Variants in ZNF649 observed in about 807,000 individuals in gnomAD.
ZNF649 encodes the protein zinc finger protein 649.
ZNF649 carries 7 observed loss-of-function variants against 14.1 expected under a neutral mutation model. The observed-to-expected ratio is 0.49, with a 90% confidence interval of 0.28 to 0.93. The LOEUF (loss-of-function observed/expected upper bound fraction) is 0.93, where lower values mean the gene tolerates loss of function less well. Ranked by LOEUF, ZNF649 falls within the 40% of genes least tolerant of loss-of-function variation. The pLI is 0.10. For missense variants in ZNF649, 544 were observed against 608.1 expected, an observed-to-expected ratio of 0.89 and a Z score of 1.11; for synonymous variants, 227 against 212.3, an observed-to-expected ratio of 1.07 and a Z score of -0.60.
intron 2 of ZNF649, among the ~76,000 whole-genome samples, chr19:51,899,527 G>T (rs973152956): frequency 6.6e-6 from 1 of 152,186 alleles, no homozygotes; most frequent in Admixed American, 6.5e-5. Flanking sequence ...TATATAGGCC[G>T]CAGTGCTGTG....
intron 2 of ZNF649, among the ~76,000 whole-genome samples, chr19:51,899,434 T>C (rs906920593): frequency 6.6e-6 from 1 of 152,212 alleles, no homozygotes; most frequent in African/African-American, 2.4e-5. Context: ...GACCTGTTCA[T>C]GGAGCTCCTT....
rs1163066660 is a variant in ZNF649, at chr19:51,891,124, G to A, written c.1012C>T (p.Arg338Ter). ...IQKGNLNIHQ[R>*]THTGEKPYGC... Reference sequence around the variant, plus strand: ...TAAGGTTTCTCTCCAGTGTGAGTTCGTTGATGTATGTTGAGATTGCCCTTC... The same window carrying A: ...TAAGGTTTCTCTCCAGTGTGAGTTCATTGATGTATGTTGAGATTGCCCTTC... Residue 338 changes from arginine (R) to a stop codon, truncating the protein, a stop_gained, in exon 5 of 5, where the codon CGA becomes TGA. Coordinates refer to ENST00000354957, the MANE Select transcript of ZNF649 (RefSeq NM_023074.4). LOFTEE classifies it low-confidence loss of function (END_TRUNC). This position sits in a 1 kb window ranked among gnomAD's most constrained non-coding sequence, Gnocchi z 4.2. The A allele has an allele frequency of 6.2e-6, 10 of 1,614,004 alleles. No homozygotes were observed. Among genetic ancestry groups the A allele is most frequent in the Non-Finnish European group, 8.5e-6 (10 of 1,180,012 alleles).
intron 1 of ZNF649, among the ~76,000 whole-genome samples, chr19:51,903,584 C>T (rs1443644894): frequency 6.6e-6 from 1 of 152,160 alleles, no homozygotes. Flanking sequence ...TTTGGAAGGC[C>T]GAGGCGGGCA....
chr19:51,899,849 C>T, intron 2 of ZNF649: 1 of 374,284 alleles, frequency 2.7e-6, no homozygotes, highest in South Asian at 1.5e-4. Flanking sequence ...CAAGCTGACA[C>T]TTAATGTAGC....
Position 51,895,078 on chromosome 19 carries a change from G to A in ZNF649, c.238+1394C>T, listed in dbSNP as rs1040309659. ...ATTTCAATCTTACATGAAGAAGAAT[G>A]AAAACCAGGCCCTTGACTCCAGAGT... On this transcript the variant is annotated intron_variant, in intron 4 of 4. Transcript: ENST00000354957. 2.6e-5 allele frequency among the ~76,000 whole-genome samples: 4 copies of A among 152,196 alleles called. No homozygotes were observed. The South Asian group carries it at 8.3e-4, about 32-fold the overall frequency.
At chr19:51,893,686 C>T (rs561692584) in intron 4 of ZNF649, among the ~76,000 whole-genome samples, 1 of 152,282 alleles carries the variant, frequency 6.6e-6, no homozygotes, top group South Asian at 2.1e-4. Context: ...GCCCTACTTG[C>T]ACAGATGTCA....
At chr19:51,892,663 T>G (rs2085032213) in intron 4 of ZNF649, among the ~76,000 whole-genome samples, 1 of 152,218 alleles carries the variant, frequency 6.6e-6, no homozygotes, top group Non-Finnish European at 1.5e-5. Context: ...TGTTGGGTGC[T>G]AAAATATGCC....
At chr19:51,893,833 A>G (rs570973158) in intron 4 of ZNF649, among the ~76,000 whole-genome samples, 2 of 152,130 alleles carry the variant, frequency 1.3e-5, no homozygotes, top group African/African-American at 4.8e-5. Context: ...CCACCTCCCT[A>G]CTTCTGAATC....
At chr19:51,899,289 C>T (rs1369088688) in intron 2 of ZNF649, among the ~76,000 whole-genome samples, 1 of 152,122 alleles carries the variant, frequency 6.6e-6, no homozygotes, top group Non-Finnish European at 1.5e-5. Flanking sequence ...GATTTGAACA[C>T]AGGGAAGGGC....
At chr19:51,894,596 T>C (rs1210865397) in intron 4 of ZNF649, among the ~76,000 whole-genome samples, 2 of 152,238 alleles carry the variant, frequency 1.3e-5, no homozygotes, top group Non-Finnish European at 2.9e-5. Flanking sequence ...GTAGGTTACA[T>C]TTCTTCTAAA....
chr19:51,898,339 C>T (rs2122768648), intron 2 of ZNF649, among the ~76,000 whole-genome samples: 1 of 152,272 alleles, frequency 6.6e-6, no homozygotes, highest in East Asian at 1.9e-4. Flanking sequence ...CCAACTTGAC[C>T]ACAACTGGAG....
chr19:51,890,303 A>G lies in ZNF649; in HGVS notation c.*315T>C, dbSNP rs2085010315. ...TTTGTGAACTTGAACAAGGCAAGAGATACAATCTAAACTACAAAGAGAACA... is the reference window on the plus strand; with the variant it reads ...TTTGTGAACTTGAACAAGGCAAGAGGTACAATCTAAACTACAAAGAGAACA... On this transcript the variant is annotated 3_prime_UTR_variant, in exon 5 of 5. Coordinates refer to ENST00000354957, the MANE Select transcript of ZNF649 (RefSeq NM_023074.4). 2 of 258,140 alleles carry G rather than the reference A, an allele frequency of 7.7e-6. No homozygotes were observed. Among genetic ancestry groups the G allele is most frequent in the South Asian group, 1.8e-4 (2 of 11,110 alleles). The allele number at this position is 258,140 out of a possible 1,614,324, so 16.0% of individuals were successfully genotyped here.
Position 51,889,629 on chromosome 19 carries a change from G to A in ZNF649, c.*989C>T, listed in dbSNP as rs2085002736. The stretch of plus-strand genomic sequence containing the variant: ...CCTTCCAAAGGTCACACTTCCTAAT[G>A]CCATCCCTTAGGGATTAGGACTTCA... On this transcript the variant is annotated 3_prime_UTR_variant, in exon 5 of 5. Coordinates refer to ENST00000354957, the MANE Select transcript of ZNF649 (RefSeq NM_023074.4). 2 of 152,176 alleles carry A rather than the reference G, an allele frequency of 1.3e-5. No individual in the cohort carries two copies. The highest frequency in any genetic ancestry group is 4.8e-5 in the African/African-American group (2 of 41,450). The allele number at this position is 152,176 out of a possible 1,614,324, so 9.4% of individuals were successfully genotyped here.
At chr19:51,898,893 C>A (rs898107246) in intron 2 of ZNF649, among the ~76,000 whole-genome samples, 3 of 151,866 alleles carry the variant, frequency 2.0e-5, no homozygotes, top group Non-Finnish European at 4.4e-5. Flanking sequence ...AGCCTGGCAA[C>A]AGAGCAAGAC....
Position 51,891,920 on chromosome 19 carries a change from C to T in ZNF649, c.239-23G>A. The T allele has an allele frequency of 6.5e-7, 1 of 1,530,234 alleles. No individual in the cohort carries two copies. Among genetic ancestry groups the T allele is most frequent in the East Asian group, 2.3e-5 (1 of 44,264 alleles). 94.8% of individuals were successfully genotyped at this position (1,530,234 alleles called of 1,614,324 possible). On this transcript the variant is annotated intron_variant, in intron 4 of 4. Transcript: ENST00000354957. The surrounding 1 kb of genome is among the most constrained non-coding windows in gnomAD (Gnocchi z 4.2). ...TTTCTAAGAGAGAGAACAATAAATCCTTCCATGATCATCACACGGAATAAA... is the reference window on the plus strand; with the variant it reads ...TTTCTAAGAGAGAGAACAATAAATCTTTCCATGATCATCACACGGAATAAA...
chr19:51,892,290 C>T (rs575024639), intron 4 of ZNF649, among the ~76,000 whole-genome samples: 5 of 151,650 alleles, frequency 3.3e-5, no homozygotes, highest in South Asian at 4.2e-4. Context: ...GCAGGAAAAT[C>T]GCTTGAACCT....
Position 51,891,809 on chromosome 19 carries a change from T to C in ZNF649, c.327A>G (p.Arg109=). The C allele has an allele frequency of 6.2e-7, 1 of 1,613,434 alleles. No homozygotes were observed. The highest frequency in any genetic ancestry group is 8.5e-7 in the Non-Finnish European group (1 of 1,179,876). Residue 109 remains arginine (R), a synonymous_variant, in exon 5 of 5, where the codon AGA becomes AGG. Coordinates refer to ENST00000354957, the MANE Select transcript of ZNF649 (RefSeq NM_023074.4). This position sits in a 1 kb window ranked among gnomAD's most constrained non-coding sequence, Gnocchi z 4.2. ...KRTGQRYEHG[R]TLKSYLGLTN... Reference sequence around the variant, plus strand: ...TTAAACCTAAATATGATTTCAAAGTTCTTCCGTGTTCATAGCGTTGTCCCG... The same window carrying C: ...TTAAACCTAAATATGATTTCAAAGTCCTTCCGTGTTCATAGCGTTGTCCCG...
rs2085008557 is a variant in ZNF649, at chr19:51,890,130, G to A, written c.*488C>T. 1 of 152,388 alleles carries A rather than the reference G, an allele frequency of 6.6e-6. No homozygotes were observed. The highest frequency in any genetic ancestry group is 2.4e-5 in the African/African-American group (1 of 41,354). The allele number at this position is 152,388 out of a possible 1,614,324, so 9.4% of individuals were successfully genotyped here. A position where few individuals can be genotyped will look rare whatever the true frequency, so the allele number is the denominator to read the frequency against. On this transcript the variant is annotated 3_prime_UTR_variant, in exon 5 of 5. Coordinates refer to ENST00000354957, the MANE Select transcript of ZNF649 (RefSeq NM_023074.4). The stretch of plus-strand genomic sequence containing the variant: ...TCTGAGAGAAAACATACTTTGGATG[G>A]GATTAATGACAGATTAAACACTGTG...
At position 51,900,228 on chromosome 19, in the gene ZNF649, T is replaced by C. The variant is rs1438893950; in HGVS notation, c.-121A>G. On this transcript the variant is annotated 5_prime_UTR_variant, in exon 2 of 5. Transcript: ENST00000354957. Reference sequence around the variant, plus strand: ...CATTTAAGAGTGTTCCCAGAAATGATGACATCCACATCCAGGAACCTCCTC... The same window carrying C: ...CATTTAAGAGTGTTCCCAGAAATGACGACATCCACATCCAGGAACCTCCTC... 7 of 784,384 alleles carry C rather than the reference T, an allele frequency of 8.9e-6. No individual in the cohort carries two copies. The African/African-American group carries it at 1.2e-4, about 14-fold the overall frequency. The allele number at this position is 784,384 out of a possible 1,614,324, so 48.6% of individuals were successfully genotyped here.
Sources: gnomAD v4.1 joint callset for allele counts (sites outside exome capture counted in the v4.1 genomes callset) on GRCh38, gnomAD v4.1.1 for gene constraint, Gnocchi (gnomAD v3.1) non-coding constraint, MANE v1.5 for transcripts, NCBI Gene and HGNC (gene_info 2026-07-23, HGNC 2026-07-21) for gene names.